Variants in CLCA1 observed in about 807,000 individuals in gnomAD.
CLCA1 encodes chloride channel accessory 1.
CLCA1 carries 59 observed loss-of-function variants against 85.6 expected under a neutral mutation model. The ratio of observed to expected loss-of-function variants is 0.69; its 90% CI spans 0.56 to 0.86. The LOEUF (loss-of-function observed/expected upper bound fraction) is 0.86, where lower values mean the gene tolerates loss of function less well. Among genes scored for constraint, CLCA1 ranks in the 40% least tolerant of loss-of-function variants. The pLI is 0.00. For synonymous variants in CLCA1, 396 were observed against 398.3 expected (o/e 0.99, Z 0.07); for missense variants, 1,022 against 1,101.4 (o/e 0.93, Z 1.02).
chr1:86,471,537 T>C (rs987307495), intron 1 of CLCA1, among the ~76,000 whole-genome samples: 14 of 152,324 alleles, frequency 9.2e-5, no homozygotes, highest in African/African-American at 3.4e-4. Flanking sequence ...CATTTCATGG[T>C]ACTTATTCTT....
At chr1:86,492,344 G>A (rs1337590444) in intron 9 of CLCA1, among the ~76,000 whole-genome samples, 2 of 152,136 alleles carry the variant, frequency 1.3e-5, no homozygotes, top group African/African-American at 2.4e-5. Flanking sequence ...AGGGAGGAAT[G>A]TCTCCTAGAA....
intron 1 of CLCA1, among the ~76,000 whole-genome samples, chr1:86,469,551 T>C (rs1022630274): frequency 1.3e-5 from 2 of 152,160 alleles, no homozygotes; most frequent in Admixed American, 6.5e-5. Context: ...TTCCCTGTGA[T>C]CCTAAAAGGA....
chr1:86,474,440 G>C (rs1302199161), intron 3 of CLCA1, among the ~76,000 whole-genome samples: 1 of 152,050 alleles, frequency 6.6e-6, no homozygotes, highest in Non-Finnish European at 1.5e-5. Flanking sequence ...TGTAGTCCCA[G>C]CTATTTGGGA....
intron 3 of CLCA1, among the ~76,000 whole-genome samples, chr1:86,475,339 C>T (rs1184198437): frequency 1.4e-4 from 22 of 152,310 alleles, no homozygotes; most frequent in Non-Finnish European, 4.4e-5. Flanking sequence ...CATAACCCTC[C>T]AAATTCAGCC....
In CLCA1 at chr1:86,500,227, G is replaced by A; in HGVS notation, c.*182G>A. ...AAATGTATTTTAGACTTCCTGTAGG[G>A]GGCGATAAAATAAAATGCTAAACAA... On this transcript the variant is annotated 3_prime_UTR_variant, in exon 14 of 14. Coordinates refer to ENST00000394711, the MANE Select transcript of CLCA1 (RefSeq NM_001285.4). 2.0e-6 allele frequency: 1 copy of A among 505,300 alleles called. No homozygotes were observed. Among genetic ancestry groups the A allele is most frequent in the Non-Finnish European group, 3.5e-6 (1 of 286,036 alleles). 31.3% of individuals were successfully genotyped at this position (505,300 alleles called of 1,614,324 possible).
At position 86,497,865 on chromosome 1, in the gene CLCA1, C is replaced by T. The variant is rs5744424; in HGVS notation, c.2114-707C>T. 4.4e-3 allele frequency among the ~76,000 whole-genome samples: 665 copies of T among 152,100 alleles called. 6 individuals carry two copies. Among genetic ancestry groups the T allele is most frequent in the African/African-American group, 0.015 (639 of 41,472 alleles). On this transcript the variant is annotated intron_variant, in intron 12 of 13. Transcript: ENST00000394711. ...GTTTAAAACACTTAGTCTTTAGGCC[C>T]GGCACAGTGGCTCACTCCTGTAATC... is the stretch of plus-strand genomic sequence containing the variant.
intron 5 of CLCA1, among the ~76,000 whole-genome samples, chr1:86,484,907 A>G (rs547830075): frequency 7.0e-4 from 107 of 152,256 alleles, no homozygotes; most frequent in Non-Finnish European, 4.0e-4. Context: ...GAGACATCCA[A>G]GTGGATTTTG....
At chr1:86,485,235 G>A (rs1193690869) in intron 5 of CLCA1, 108 bp from the exon 6 acceptor site, 8 of 791,728 alleles carry the variant, frequency 1.0e-5, no homozygotes, top group African/African-American at 1.7e-5. Context: ...CAGTGATTGT[G>A]CAATTGAGCC....
rs1050164502 is a variant in CLCA1, at chr1:86,485,372, C to A, written c.765C>A (p.His255Gln). Residue 255 changes from histidine (H) to glutamine (Q), a missense_variant, in exon 6 of 14, where the codon CAC becomes CAA. His to Gln is a conservative substitution (Grantham distance 24). Transcript: ENST00000394711. ...TTGAATTCTGTACAGAACAAAACCACAACAAAGAAGCTCCAAACAAGCAAA... is the reference window on the plus strand; with the variant it reads ...TTGAATTCTGTACAGAACAAAACCAAAACAAAGAAGCTCCAAACAAGCAAA... ...SIVEFCTEQN[H>Q]NKEAPNKQNQ... 1.2e-6 allele frequency: 2 copies of A among 1,613,884 alleles called. No homozygotes were observed. The highest frequency in any genetic ancestry group is 2.7e-5 in the African/African-American group (2 of 74,910).
chr1:86,470,885 A>G (rs1253995970), intron 1 of CLCA1, among the ~76,000 whole-genome samples: 1 of 152,052 alleles, frequency 6.6e-6, no homozygotes, highest in Non-Finnish European at 1.5e-5. Context: ...GAAGCCCCTA[A>G]CTCAGCTTTT....
At chr1:86,488,240 A>G (rs191019919) in intron 7 of CLCA1, among the ~76,000 whole-genome samples, 10 of 151,136 alleles carry the variant, frequency 6.6e-5, no homozygotes, top group African/African-American at 2.0e-4. Flanking sequence ...CTCTCCTTCC[A>G]CTCCGTTTAG....
chr1:86,496,378 T>A (rs556171934), intron 12 of CLCA1, among the ~76,000 whole-genome samples: 1 of 152,184 alleles, frequency 6.6e-6, no homozygotes, highest in Middle Eastern at 3.2e-3. Flanking sequence ...GGGAGCATAG[T>A]AGATGAATTT....
At chr1:86,472,486 T>A (rs1647532410) in intron 1 of CLCA1, among the ~76,000 whole-genome samples, 1 of 152,186 alleles carries the variant, frequency 6.6e-6, no homozygotes. Context: ...CTTCAGCCTC[T>A]TTTTTCCTCT....
rs376749837 is a variant in CLCA1, at chr1:86,469,146, T to C, written c.162+13T>C. 77 of 1,570,526 alleles carry C rather than the reference T, an allele frequency of 4.9e-5. No individual in the cohort carries two copies. In the African/African-American group the frequency reaches 9.9e-4, roughly 20 times the overall value. ...TCAACAAATAAAGGTAAGTTCATAGTAATTATCCATACTTTTTTAAAAATA... is the reference window on the plus strand; with the variant it reads ...TCAACAAATAAAGGTAAGTTCATAGCAATTATCCATACTTTTTTAAAAATA... On this transcript the variant is annotated intron_variant, in intron 1 of 13. Coordinates refer to ENST00000394711, the MANE Select transcript of CLCA1 (RefSeq NM_001285.4).
Position 86,495,670 on chromosome 1 carries a change from A to C in CLCA1, c.2108A>C (p.Glu703Ala). The change falls in exon 12 of 14, where the codon GAG becomes GCG. Residue 703 changes from glutamate to alanine, a missense_variant. Transcript: ENST00000394711. ...GCACTGTACATACCTGGCTGGATTG[A>C]GAATGGTAAGTAATTTGTAATAACA... ...SGALYIPGWI[E>A]NDEIQWNPPR... 1 of 1,605,256 alleles carries C rather than the reference A, an allele frequency of 6.2e-7. No homozygotes were observed. The highest frequency in any genetic ancestry group is 8.5e-7 in the Non-Finnish European group (1 of 1,175,446).
chr1:86,472,445 G>A (rs1279689550), intron 1 of CLCA1, among the ~76,000 whole-genome samples: 2 of 152,060 alleles, frequency 1.3e-5, no homozygotes, highest in African/African-American at 4.8e-5. Context: ...ACCTCTGAAT[G>A]CTGGGGTCCC....
chr1:86,484,033 T>C (rs1647891394), intron 5 of CLCA1, among the ~76,000 whole-genome samples: 1 of 152,096 alleles, frequency 6.6e-6, no homozygotes, highest in South Asian at 2.1e-4. Flanking sequence ...ATCATCAGAT[T>C]ACGTGGGAAC....
rs1647938794 is a variant in CLCA1, at chr1:86,485,487, A to C, written c.880A>C (p.Asn294His). The C allele has an allele frequency of 1.2e-6, 2 of 1,614,036 alleles. No individual in the cohort carries two copies. The highest frequency in any genetic ancestry group is 1.7e-6 in the Non-Finnish European group (2 of 1,180,034). ...CACTCCTATGACAACACAGCCACCA[A>C]ATCCCACCTTCTCATTGCTGCAGAT... ...KTTPMTTQPP[N>H]PTFSLLQIGQ... The change falls in exon 6 of 14, where the codon AAT becomes CAT. Residue 294 changes from asparagine to histidine, a missense_variant. Physicochemically the swap from Asn to His is moderately conservative, Grantham distance 68. Coordinates refer to ENST00000394711, the MANE Select transcript of CLCA1 (RefSeq NM_001285.4).
At chr1:86,495,816 A>G (rs1648268633) in intron 12 of CLCA1, 141 bp downstream of exon 12, 1 of 781,114 alleles carries the variant, frequency 1.3e-6, no homozygotes, top group East Asian at 2.7e-5. Context: ...GAGCCAGACA[A>G]TCCTTTGTTG....
Sources: allele counts gnomAD v4.1 joint callset (sites outside exome capture counted in the v4.1 genomes callset), GRCh38; gene constraint gnomAD v4.1.1; transcripts MANE v1.5; gene names NCBI Gene and HGNC (gene_info 2026-07-23, HGNC 2026-07-21).